Variants in CPNE3 observed in about 807,000 individuals in gnomAD.
CPNE3 encodes copine-3.
CPNE3 carries 68 observed loss-of-function variants against 63.9 expected under a neutral mutation model. The ratio of observed to expected loss-of-function variants is 1.06; its 90% CI spans 0.87 to 1.30. The LOEUF (loss-of-function observed/expected upper bound fraction) is 1.30. CPNE3 is among the 50% of genes most tolerant of loss of function. The pLI, the probability that CPNE3 is intolerant of heterozygous loss-of-function variation, is 0.00. For synonymous variants in CPNE3, 219 were observed against 197.5 expected, an observed-to-expected ratio of 1.11 and a Z score of -0.91; for missense variants, 665 against 578.1, an observed-to-expected ratio of 1.15 and a Z score of -1.54.
Position 86,544,822 on chromosome 8 carries a change from C to A in CPNE3, c.716C>A (p.Ala239Asp). 6.3e-7 allele frequency: 1 copy of A among 1,586,206 alleles called. No homozygotes were observed. The highest frequency in any genetic ancestry group is 8.6e-7 in the Non-Finnish European group (1 of 1,164,094). ...FQTTMTKLKEASRSSPVEFEC... is the reference protein window; with the variant it reads ...FQTTMTKLKEDSRSSPVEFEC... The stretch of plus-strand genomic sequence containing the variant: ...ACCACCATGACAAAACTGAAAGAAG[C>A]CTCCAGAAGCTCACCTGTAAGTTAC... Residue 239 changes from alanine (A) to aspartate (D), a missense_variant, in exon 9 of 17, where the codon GCC becomes GAC. Ala to Asp is a moderately radical substitution (Grantham distance 126). Transcript: ENST00000517490.
chr8:86,552,958 G>C (rs1466412514), intron 14 of CPNE3, among the ~76,000 whole-genome samples: 7 of 3,238 alleles, frequency 2.2e-3, no homozygotes, highest in East Asian at 0.019. Context: ...TCCTGCCACA[G>C]CCCGCCCCCC....
Position 86,554,985 on chromosome 8 carries a change from G to A in CPNE3, c.1254+1G>A. The stretch of plus-strand genomic sequence containing the variant: ...AGCCACGCAACAGCAGACAGCTTCT[G>A]TAAGTGCTCTATGGCCAGGGAATGG... On this transcript the variant is annotated splice_donor_variant, in intron 15 of 16. Transcript: ENST00000517490. LOFTEE classifies it high-confidence loss of function. 1 of 1,614,050 alleles carries A rather than the reference G, an allele frequency of 6.2e-7. No homozygotes were observed. The highest frequency in any genetic ancestry group is 8.5e-7 in the Non-Finnish European group (1 of 1,180,000).
intron 2 of CPNE3, chr8:86,524,703 C>T (rs1228147480): frequency 4.2e-4 from 9 of 21,242 alleles, no homozygotes; most frequent in African/African-American, 6.6e-4. Context: ...TTTTTTTTTG[C>T]GACAGGGTCT....
At chr8:86,554,642 T>C (rs184961221) in intron 14 of CPNE3, among the ~76,000 whole-genome samples, 1 of 152,206 alleles carries the variant, frequency 6.6e-6, no homozygotes, top group Admixed American at 6.5e-5. Context: ...TCCCTTCTAT[T>C]GGGGGAGGAC....
At chr8:86,551,532 G>A in intron 14 of CPNE3, 1 of 260,788 alleles carries the variant, frequency 3.8e-6, no homozygotes, top group Non-Finnish European at 7.1e-6. Context: ...AATCTTTGGA[G>A]TAGATCAGTA....
At chr8:86,548,534 G>A (rs1821105182) in intron 12 of CPNE3, 100 bp downstream of exon 12, 7 of 1,430,034 alleles carry the variant, frequency 4.9e-6, no homozygotes, top group African/African-American at 1.4e-5. Flanking sequence ...GTGGTAGGTT[G>A]ATGATGCTTT....
intron 6 of CPNE3, among the ~76,000 whole-genome samples, chr8:86,534,881 A>G (rs183067210): frequency 6.6e-6 from 1 of 152,280 alleles, no homozygotes; most frequent in East Asian, 1.9e-4. Flanking sequence ...ACTAAATGTG[A>G]CCAGTGAAGT....
chr8:86,527,531 C>T (rs1283268207), intron 2 of CPNE3, among the ~76,000 whole-genome samples: 2 of 152,174 alleles, frequency 1.3e-5, no homozygotes, highest in Admixed American at 1.3e-4. Flanking sequence ...GCCACACCTT[C>T]TCTCTGTAGA....
At chr8:86,535,566 G>A (rs188094281) in intron 6 of CPNE3, among the ~76,000 whole-genome samples, 3 of 152,028 alleles carry the variant, frequency 2.0e-5, no homozygotes, top group African/African-American at 7.2e-5. Context: ...TACTCAAGAG[G>A]ATGAGGCATG....
rs945857821 is a variant in CPNE3, at chr8:86,560,759, A to G, written c.*2349A>G. The G allele has an allele frequency of 6.6e-6, 1 of 152,190 alleles. No individual in the cohort carries two copies. The highest frequency in any genetic ancestry group is 1.5e-5 in the Non-Finnish European group (1 of 68,016). The allele number at this position is 152,190 out of a possible 1,614,324, so 9.4% of individuals were successfully genotyped here. A position where few individuals can be genotyped will look rare whatever the true frequency, so the allele number is the denominator to read the frequency against. ...ATCAGTTTTCACAGTTTCAGCACTCAACCTCATCATACGCTGATTTAATAT... is the reference window on the plus strand; with the variant it reads ...ATCAGTTTTCACAGTTTCAGCACTCGACCTCATCATACGCTGATTTAATAT... On this transcript the variant is annotated 3_prime_UTR_variant, in exon 17 of 17. Coordinates refer to ENST00000517490, the MANE Select transcript of CPNE3 (RefSeq NM_003909.5).
intron 5 of CPNE3, 86 bp downstream of exon 5, chr8:86,531,315 C>T (rs1563689747): frequency 2.7e-6 from 2 of 748,340 alleles, no homozygotes; most frequent in African/African-American, 1.7e-5. Flanking sequence ...AAATATTCTA[C>T]AGCCATGCTT....
At chr8:86,543,240 G>A (rs1820979911) in intron 8 of CPNE3, among the ~76,000 whole-genome samples, 2 of 152,046 alleles carry the variant, frequency 1.3e-5, no homozygotes, top group Admixed American at 1.3e-4. Flanking sequence ...TTGGTCAGTG[G>A]CCAAAATGCC....
rs529955948 is a variant in CPNE3, at chr8:86,559,674, T to C, written c.*1264T>C. The C allele has an allele frequency of 6.6e-6, 1 of 152,080 alleles. No homozygotes were observed. Among genetic ancestry groups the C allele is most frequent in the African/African-American group, 2.4e-5 (1 of 41,424 alleles). The allele number at this position is 152,080 out of a possible 1,614,324, so 9.4% of individuals were successfully genotyped here. ...AAGAGTTGAATTTCTTTTCCTGACT[T>C]TTACCTTTTACAGCGTATTACTTAG... On this transcript the variant is annotated 3_prime_UTR_variant, in exon 17 of 17. Coordinates refer to ENST00000517490, the MANE Select transcript of CPNE3 (RefSeq NM_003909.5).
intron 2 of CPNE3, chr8:86,521,761 A>G (rs1400887673): frequency 2.0e-5 from 3 of 152,130 alleles, no homozygotes; most frequent in Non-Finnish European, 2.9e-5. Flanking sequence ...TTTTCCTAAT[A>G]TATACTATGC....
chr8:86,542,999 C>T (rs2131473093), intron 8 of CPNE3, among the ~76,000 whole-genome samples: 1 of 152,112 alleles, frequency 6.6e-6, no homozygotes, highest in South Asian at 2.1e-4. Context: ...TCCCTGATTG[C>T]AAATCTAAAA....
intron 2 of CPNE3, among the ~76,000 whole-genome samples, chr8:86,518,763 A>T (rs7011249): frequency 0.026 from 2,387 of 91,432 alleles, 58 homozygotes; most frequent in African/African-American, 0.077. Flanking sequence ...CTTCTTTTTT[A>T]AAAAAAAATA....
Position 86,561,259 on chromosome 8 carries a change from G to C in CPNE3, c.*2849G>C, listed in dbSNP as rs1219979109. 6.6e-6 allele frequency: 1 copy of C among 152,170 alleles called. No homozygotes were observed. Among genetic ancestry groups the C allele is most frequent in the East Asian group, 1.9e-4 (1 of 5,198 alleles). The allele number at this position is 152,170 out of a possible 1,614,324, so 9.4% of individuals were successfully genotyped here. ...AGTAGTCATGGAAATGACACATAAA[G>C]TACGCCAGAAGTTTGATGGAACGTG... is the stretch of plus-strand genomic sequence containing the variant. On this transcript the variant is annotated 3_prime_UTR_variant, in exon 17 of 17. Coordinates refer to ENST00000517490, the MANE Select transcript of CPNE3 (RefSeq NM_003909.5).
At chr8:86,515,811 C>A (rs1820288575) in intron 2 of CPNE3, among the ~76,000 whole-genome samples, 1 of 152,134 alleles carries the variant, frequency 6.6e-6, no homozygotes, top group African/African-American at 2.4e-5. Context: ...CCACATATAT[C>A]CTGATGTCAT....
chr8:86,515,547 G>A (rs1820278448), intron 2 of CPNE3, 48 bp downstream of exon 2: 1 of 152,272 alleles, frequency 6.6e-6, no homozygotes, highest in East Asian at 1.9e-4. Flanking sequence ...ATGGTTTTAG[G>A]GCACAGGCTT....
Sources: gnomAD v4.1 joint callset for allele counts (sites outside exome capture counted in the v4.1 genomes callset) on GRCh38, gnomAD v4.1.1 for gene constraint, MANE v1.5 for transcripts, NCBI Gene and HGNC (gene_info 2026-07-23, HGNC 2026-07-21) for gene names.